The following HTR7 variants were observed in gnomAD, a reference collection of about 807,000 sequenced individuals.
The protein encoded by HTR7 is 5-hydroxytryptamine receptor 7, also known as 5-HT-7.
Under a neutral mutation model 34.0 loss-of-function variants are expected in HTR7, and 16 were observed. That is an observed-to-expected ratio of 0.47 (90% CI 0.32 to 0.71). The LOEUF is 0.71. Ranked by LOEUF, HTR7 falls within the 30% of genes least tolerant of loss-of-function variation. The pLI is 0.04. For synonymous variants in HTR7, 265 were observed against 260.2 expected, an observed-to-expected ratio of 1.02 and a Z score of -0.18; for missense variants, 504 against 625.5, an observed-to-expected ratio of 0.81 and a Z score of 2.07.
intron 1 of HTR7, among the ~76,000 whole-genome samples, chr10:90,761,779 A>C (rs983542101): frequency 6.6e-6 from 1 of 152,026 alleles, no homozygotes; most frequent in African/African-American, 2.4e-5. Context: ...GTTTGGACCA[A>C]CATATCCCCA....
intron 1 of HTR7, among the ~76,000 whole-genome samples, chr10:90,755,715 C>T (rs1322188484): frequency 6.6e-6 from 1 of 152,184 alleles, no homozygotes; most frequent in Non-Finnish European, 1.5e-5. Context: ...ATGATAAAAA[C>T]TATAATGCCA....
Position 90,749,697 on chromosome 10 carries a change from C to T in HTR7, c.540-103G>A, listed in dbSNP as rs923903980. The T allele has an allele frequency of 9.5e-7, 1 of 1,055,834 alleles. No individual in the cohort carries two copies. The highest frequency in any genetic ancestry group is 2.3e-5 in the Admixed American group (1 of 43,398). 65.4% of individuals were successfully genotyped at this position (1,055,834 alleles called of 1,614,324 possible). On this transcript the variant is annotated intron_variant, in intron 1 of 3. Transcript: ENST00000336152. The surrounding 1 kb of genome is among the most constrained non-coding windows in gnomAD (Gnocchi z 4.2). Reference sequence around the variant, plus strand: ...ACCAGCGCCAGTCCTCGCAACAGCCCTTCTAGGTAGGCATCATTACTCCCA... The same window carrying T: ...ACCAGCGCCAGTCCTCGCAACAGCCTTTCTAGGTAGGCATCATTACTCCCA...
chr10:90,853,847 G>C (rs1031354237), intron 1 of HTR7, among the ~76,000 whole-genome samples: 14 of 152,202 alleles, frequency 9.2e-5, no homozygotes, highest in African/African-American at 3.4e-4. Flanking sequence ...CTGGACAGAA[G>C]TGGAACCAGG....
intron 1 of HTR7, among the ~76,000 whole-genome samples, chr10:90,817,346 A>G (rs923570387): frequency 1.3e-5 from 2 of 152,190 alleles, no homozygotes; most frequent in East Asian, 1.9e-4. Flanking sequence ...AGTCCTTTCA[A>G]AAGACTACTA....
At chr10:90,773,565 CTTT>C (rs202040628) in intron 1 of HTR7, among the ~76,000 whole-genome samples, 1 of 151,290 alleles carries the variant, frequency 6.6e-6, no homozygotes, top group Non-Finnish European at 1.5e-5. Flanking sequence ...CTTATTCATT[CTTT>C]TTTTTTGTAC....
intron 1 of HTR7, among the ~76,000 whole-genome samples, chr10:90,808,602 C>T (rs140234485): frequency 0.016 from 2,369 of 152,154 alleles, 78 homozygotes; most frequent in African/African-American, 0.053. Flanking sequence ...TGTATCTCTG[C>T]GCCCCGACCC....
intron 1 of HTR7, among the ~76,000 whole-genome samples, chr10:90,853,266 AATTTG>A (rs1846526303): frequency 6.7e-6 from 1 of 149,768 alleles, no homozygotes; most frequent in African/African-American, 2.5e-5. Context: ...CATAAAAAGT[AATTTG>A]ATTTCTTTTT....
intron 1 of HTR7, among the ~76,000 whole-genome samples, chr10:90,809,651 G>A (rs542412025): frequency 5.3e-5 from 8 of 152,260 alleles, no homozygotes; most frequent in South Asian, 2.1e-4. Context: ...TGCCTGAACC[G>A]CAGCGGCCAG....
At chr10:90,783,016 T>G (rs1452923624) in intron 1 of HTR7, among the ~76,000 whole-genome samples, 1 of 152,222 alleles carries the variant, frequency 6.6e-6, no homozygotes, top group Non-Finnish European at 1.5e-5. Flanking sequence ...ATTTGGTGAC[T>G]AGGAGCTTAC....
chr10:90,760,719 A>C (rs1340821706), intron 1 of HTR7, among the ~76,000 whole-genome samples: 1 of 152,096 alleles, frequency 6.6e-6, no homozygotes, highest in African/African-American at 2.4e-5. Flanking sequence ...ATCTGTACTA[A>C]AAATACAGGA....
intron 2 of HTR7, among the ~76,000 whole-genome samples, chr10:90,748,461 G>A (rs1844675008): frequency 6.6e-6 from 1 of 152,152 alleles, no homozygotes. Context: ...GAAGGATGAG[G>A]TTATCAAAAA....
At chr10:90,756,507 T>TA (rs1312307037) in intron 1 of HTR7, among the ~76,000 whole-genome samples, 5 of 152,310 alleles carry the variant, frequency 3.3e-5, no homozygotes, top group African/African-American at 1.2e-4. Flanking sequence ...AAGCTACACT[T>TA]ACAGTTAGGA....
At chr10:90,832,701 G>A (rs1846197456) in intron 1 of HTR7, among the ~76,000 whole-genome samples, 1 of 152,212 alleles carries the variant, frequency 6.6e-6, no homozygotes, top group South Asian at 2.1e-4. Context: ...CCGAGAGTGA[G>A]CGAGGGCTGT....
intron 1 of HTR7, among the ~76,000 whole-genome samples, chr10:90,787,063 C>T (rs915312675): frequency 1.3e-5 from 2 of 152,210 alleles, no homozygotes; most frequent in African/African-American, 4.8e-5. Flanking sequence ...TCCTGTTAGA[C>T]CCTTACTTCC....
intron 1 of HTR7, among the ~76,000 whole-genome samples, chr10:90,750,561 A>G (rs1844717734): frequency 6.6e-6 from 1 of 152,012 alleles, no homozygotes; most frequent in African/African-American, 2.4e-5. Flanking sequence ...GCAAAGACAG[A>G]AAAAAAACTG....
At chr10:90,781,959 CA>C (rs1163642835) in intron 1 of HTR7, among the ~76,000 whole-genome samples, 1 of 152,236 alleles carries the variant, frequency 6.6e-6, no homozygotes, top group Non-Finnish European at 1.5e-5. Context: ...CCTTTGACTG[CA>C]GACCTTGACT....
intron 1 of HTR7, among the ~76,000 whole-genome samples, chr10:90,766,301 C>T (rs1589441596): frequency 6.6e-6 from 1 of 152,112 alleles, no homozygotes; most frequent in Non-Finnish European, 1.5e-5. Flanking sequence ...ATTGTTTTGG[C>T]ATAAAGTCTA....
At chr10:90,808,029 G>A (rs559453397) in intron 1 of HTR7, among the ~76,000 whole-genome samples, 7 of 152,006 alleles carry the variant, frequency 4.6e-5, no homozygotes, top group South Asian at 2.1e-4. Context: ...TGTTTTATCC[G>A]TGGACCCAAA....
chr10:90,806,132 A>T (rs1845701889), intron 1 of HTR7, among the ~76,000 whole-genome samples: 1 of 152,152 alleles, frequency 6.6e-6, no homozygotes, highest in South Asian at 2.1e-4. Flanking sequence ...TTTTTTGCTA[A>T]AGAAAAAGTA....
Sources: gnomAD v4.1 joint callset for allele counts (sites outside exome capture counted in the v4.1 genomes callset) on GRCh38, gnomAD v4.1.1 for gene constraint, Gnocchi (gnomAD v3.1) non-coding constraint, MANE v1.5 for transcripts, NCBI Gene and HGNC (gene_info 2026-07-23, HGNC 2026-07-21) for gene names.